Variants in CPA6 observed in about 807,000 individuals in gnomAD.
CPA6 encodes carboxypeptidase A6.
In CPA6, 58 loss-of-function variants were observed where a neutral mutation model predicts 63.3. That is an observed-to-expected ratio of 0.92 (90% CI 0.74 to 1.14). The LOEUF (loss-of-function observed/expected upper bound fraction) is 1.14. Ranked by LOEUF, CPA6 falls within the 50% of genes most tolerant of loss-of-function variation. The pLI is 0.00. For missense variants in CPA6, 565 were observed against 526.6 expected (o/e 1.07, Z -0.71); for synonymous variants, 185 against 179.0 (o/e 1.03, Z -0.27).
At chr8:67,575,662 G>T (rs1813604401) in intron 2 of CPA6, among the ~76,000 whole-genome samples, 1 of 152,148 alleles carries the variant, frequency 6.6e-6, no homozygotes, top group Non-Finnish European at 1.5e-5. Flanking sequence ...TTCGAGACCA[G>T]CCTGGCCAAC....
chr8:67,551,347 T>C (rs1283259660), intron 2 of CPA6, among the ~76,000 whole-genome samples: 1 of 152,224 alleles, frequency 6.6e-6, no homozygotes. Flanking sequence ...TGCTGCTTTA[T>C]TTCTTGGCTC....
intron 2 of CPA6, among the ~76,000 whole-genome samples, chr8:67,602,226 C>T (rs578030712): frequency 1.1e-3 from 160 of 152,130 alleles, no homozygotes; most frequent in South Asian, 7.5e-3. Flanking sequence ...TATATACCTA[C>T]AAATTTATGC....
intron 2 of CPA6, among the ~76,000 whole-genome samples, chr8:67,572,096 T>C (rs1564005463): frequency 2.0e-5 from 3 of 152,202 alleles, no homozygotes; most frequent in Non-Finnish European, 4.4e-5. Flanking sequence ...GATAAATTCC[T>C]AAACATATAC....
At chr8:67,578,961 T>A (rs892902828) in intron 2 of CPA6, among the ~76,000 whole-genome samples, 7 of 152,234 alleles carry the variant, frequency 4.6e-5, no homozygotes, top group Non-Finnish European at 8.8e-5. Flanking sequence ...TATACTACAT[T>A]TGTAAATTTA....
intron 8 of CPA6, among the ~76,000 whole-genome samples, chr8:67,469,430 AC>A (rs1321004310): frequency 6.6e-6 from 1 of 152,096 alleles, no homozygotes; most frequent in Non-Finnish European, 1.5e-5. Flanking sequence ...ACATGGTGAA[AC>A]CCTGTCTCTA....
intron 2 of CPA6, among the ~76,000 whole-genome samples, chr8:67,545,092 GAAT>G (rs1275246689): frequency 6.6e-6 from 1 of 151,948 alleles, no homozygotes; most frequent in African/African-American, 2.4e-5. Flanking sequence ...AGGATTTTTG[GAAT>G]AATGATATTT....
rs116242397 is a variant in CPA6, at chr8:67,523,203, T to C, written c.193-5156A>G. 7.8e-3 allele frequency among the ~76,000 whole-genome samples: 1,189 copies of C among 152,268 alleles called. 14 individuals carry two copies. The highest frequency in any genetic ancestry group is 0.027 in the African/African-American group (1,129 of 41,546). ...CATATTTTAAATATATTTGTTAGGC[T>C]TAAATGAATACATACACACAAAGTA... is the stretch of plus-strand genomic sequence containing the variant. On this transcript the variant is annotated intron_variant, in intron 2 of 10. Transcript: ENST00000297770.
chr8:67,578,462 T>G (rs769107204), intron 2 of CPA6, among the ~76,000 whole-genome samples: 16 of 152,140 alleles, frequency 1.1e-4, no homozygotes, highest in Non-Finnish European at 2.1e-4. Flanking sequence ...GAATTAATAG[T>G]GTATCTTATA....
chr8:67,583,746 A>T (rs1333437079), intron 2 of CPA6, among the ~76,000 whole-genome samples: 1 of 152,072 alleles, frequency 6.6e-6, no homozygotes, highest in Non-Finnish European at 1.5e-5. Flanking sequence ...GTTAGTTAGG[A>T]AGAGGTTATT....
intron 8 of CPA6, among the ~76,000 whole-genome samples, chr8:67,440,793 C>T (rs1810276154): frequency 6.6e-6 from 1 of 151,766 alleles, no homozygotes; most frequent in Admixed American, 6.6e-5. Flanking sequence ...AGTAAAAATA[C>T]AGTATTATAA....
At chr8:67,615,033 T>C (rs562886621) in intron 2 of CPA6, among the ~76,000 whole-genome samples, 2 of 152,320 alleles carry the variant, frequency 1.3e-5, no homozygotes, top group Admixed American at 1.3e-4. Context: ...TGAATTCTTT[T>C]AGGTTATCGA....
At chr8:67,497,118 A>G (rs981764153) in intron 6 of CPA6, among the ~76,000 whole-genome samples, 23 of 152,314 alleles carry the variant, frequency 1.5e-4, no homozygotes, top group African/African-American at 5.3e-4. Context: ...GATACGATTC[A>G]CAGAATATAA....
chr8:67,722,977 C>A lies in CPA6; in HGVS notation c.116+23037G>T, dbSNP rs372993453. ...CCACCAAAAGAAAAACCTAAACATA[C>A]ACTAAAACATCCCCTACACTCTAAA... On this transcript the variant is annotated intron_variant, in intron 1 of 10. Transcript: ENST00000297770. 3.0e-4 allele frequency among the ~76,000 whole-genome samples: 46 copies of A among 151,922 alleles called. No individual in the cohort carries two copies. The South Asian group carries it at 9.4e-3, about 31-fold the overall frequency.
intron 2 of CPA6, among the ~76,000 whole-genome samples, chr8:67,545,580 T>TTTTTTTTTTTTG (rs750417027): frequency 1.5e-3 from 193 of 125,612 alleles, no homozygotes; most frequent in East Asian, 2.9e-3. Context: ...TTTTTTTTTT[T>TTTTTTTTTTTTG]TTTTGAGATG....
chr8:67,558,338 G>A (rs748467593), intron 2 of CPA6, among the ~76,000 whole-genome samples: 2 of 151,972 alleles, frequency 1.3e-5, no homozygotes, highest in Admixed American at 6.6e-5. Context: ...ACCATCTGTA[G>A]CTATCTTGTT....
intron 3 of CPA6, among the ~76,000 whole-genome samples, chr8:67,514,241 A>T (rs1812099391): frequency 6.6e-6 from 1 of 152,138 alleles, no homozygotes; most frequent in Non-Finnish European, 1.5e-5. Context: ...TACAGGTGTG[A>T]GCCACCACGC....
At chr8:67,661,658 G>A (rs550164315) in intron 1 of CPA6, among the ~76,000 whole-genome samples, 1 of 152,202 alleles carries the variant, frequency 6.6e-6, no homozygotes, top group Non-Finnish European at 1.5e-5. Flanking sequence ...GGGGGTAAAA[G>A]CTAGAAGAGT....
chr8:67,448,495 G>C (rs953684597), intron 8 of CPA6, among the ~76,000 whole-genome samples: 4 of 151,464 alleles, frequency 2.6e-5, no homozygotes, highest in African/African-American at 9.7e-5. Context: ...AGCTGGTTGT[G>C]GTGGTGTGCG....
chr8:67,422,288 G>C lies in CPA6; in HGVS notation c.*216C>G. 1 of 422,664 alleles carries C rather than the reference G, an allele frequency of 2.4e-6. No individual in the cohort carries two copies. Among genetic ancestry groups the C allele is most frequent in the Non-Finnish European group, 4.2e-6 (1 of 238,306 alleles). 26.2% of individuals were successfully genotyped at this position (422,664 alleles called of 1,614,324 possible). Reference sequence around the variant, plus strand: ...CCATAATCAAATAAGACTCTAAAAGGATAGAAAATGGATGCTTTTTCTTAT... The same window carrying C: ...CCATAATCAAATAAGACTCTAAAAGCATAGAAAATGGATGCTTTTTCTTAT... On this transcript the variant is annotated 3_prime_UTR_variant, in exon 11 of 11. Transcript: ENST00000297770.
Sources: gnomAD v4.1 joint callset for allele counts (sites outside exome capture counted in the v4.1 genomes callset) on GRCh38, gnomAD v4.1.1 for gene constraint, MANE v1.5 for transcripts, NCBI Gene and HGNC (gene_info 2026-07-23, HGNC 2026-07-21) for gene names.